DNAH2: variants seen among roughly 807,000 people sequenced by gnomAD.
DNAH2 encodes axonemal beta dynein heavy chain 2.
Under a neutral mutation model 523.5 loss-of-function variants are expected in DNAH2, and 323 were observed. The observed-to-expected ratio is 0.62, with a 90% confidence interval of 0.56 to 0.68. The LOEUF is 0.68. DNAH2 is among the 30% of genes least tolerant of loss of function. The pLI is 0.00. For missense variants in DNAH2, 4,907 were observed against 5,701.5 expected, an observed-to-expected ratio of 0.86 and a Z score of 4.49; for synonymous variants, 2,093 against 2,177.4, an observed-to-expected ratio of 0.96 and a Z score of 1.08.
intron 64 of DNAH2, 86 bp from the exon 65 acceptor site, chr17:7,817,204 C>A: frequency 1.3e-6 from 2 of 1,510,652 alleles, no homozygotes; most frequent in South Asian, 2.7e-5. Context: ...CTGACAGTGT[C>A]CAGAAGAGGG....
chr17:7,772,436 A>C (rs1218818006), intron 28 of DNAH2, among the ~76,000 whole-genome samples: 1 of 152,232 alleles, frequency 6.6e-6, no homozygotes, highest in East Asian at 1.9e-4. Context: ...AAAGCCAAAA[A>C]AACAATGATC....
At position 7,797,168 on chromosome 17, in the gene DNAH2, C is replaced by T; in HGVS notation, c.7864-8C>T. On this transcript the variant is annotated splice_region_variant and splice_polypyrimidine_tract_variant and intron_variant, in intron 50 of 85. Transcript: ENST00000572933. ...CTCCCTGGTCCCAACAGTCAGTCCTCTTCCCAGGTGTTCCAGGGCATGCTT... is the reference window on the plus strand; with the variant it reads ...CTCCCTGGTCCCAACAGTCAGTCCTTTTCCCAGGTGTTCCAGGGCATGCTT... The T allele has an allele frequency of 6.2e-7, 1 of 1,611,566 alleles. No individual in the cohort carries two copies. Among genetic ancestry groups the T allele is most frequent in the South Asian group, 1.1e-5 (1 of 90,992 alleles).
At chr17:7,721,337 C>A (rs912127811) in intron 2 of DNAH2, among the ~76,000 whole-genome samples, 1 of 152,086 alleles carries the variant, frequency 6.6e-6, no homozygotes, top group Non-Finnish European at 1.5e-5. Flanking sequence ...CCACACCCGG[C>A]TAATTTTTGT....
intron 15 of DNAH2, 146 bp downstream of exon 15, chr17:7,759,270 A>C: frequency 7.0e-7 from 1 of 1,434,062 alleles, no homozygotes; most frequent in South Asian, 1.4e-5. Flanking sequence ...GACTCAGCCA[A>C]CCTTCAGTCC....
At chr17:7,806,838 G>GT (rs1181393650) in intron 61 of DNAH2, among the ~76,000 whole-genome samples, 4 of 151,986 alleles carry the variant, frequency 2.6e-5, no homozygotes, top group East Asian at 1.9e-4. Flanking sequence ...GCCAGTCTCG[G>GT]TTTGGTGATC....
chr17:7,758,678 G>T (rs111628899), intron 14 of DNAH2, 27 bp downstream of exon 14: 15 of 1,599,744 alleles, frequency 9.4e-6, no homozygotes, highest in African/African-American at 5.4e-5. Context: ...AGACCCTAAA[G>T]GTCTGCAAGG....
At chr17:7,819,712 G>T (rs2077800288) in intron 72 of DNAH2, among the ~76,000 whole-genome samples, 1 of 152,162 alleles carries the variant, frequency 6.6e-6, no homozygotes, top group Admixed American at 6.5e-5. Context: ...GTACCGGTTG[G>T]GATTCTGCAG....
At chr17:7,818,507 A>G (rs1188839248) in intron 69 of DNAH2, 47 bp downstream of exon 69, 2 of 1,608,058 alleles carry the variant, frequency 1.2e-6, no homozygotes, top group South Asian at 2.2e-5. Flanking sequence ...AAGCAGGAAG[A>G]GTTTGGAAGG....
At position 7,828,062 on chromosome 17, in the gene DNAH2, G is replaced by A. The variant is rs1469555619; in HGVS notation, c.11854-2238G>A. Among the ~76,000 whole-genome samples the A allele has an allele frequency of 6.6e-6, 1 of 151,912 alleles. No individual in the cohort carries two copies. Among genetic ancestry groups the A allele is most frequent in the Non-Finnish European group, 1.5e-5 (1 of 68,014 alleles). ...CAATCTTTCCACCTGCACCTCACAGGTGTGTGCCACCACTCTGGCTAATTT... is the reference window on the plus strand; with the variant it reads ...CAATCTTTCCACCTGCACCTCACAGATGTGTGCCACCACTCTGGCTAATTT... On this transcript the variant is annotated intron_variant, in intron 77 of 85. Coordinates refer to ENST00000572933, the MANE Select transcript of DNAH2 (RefSeq NM_020877.5). The surrounding 1 kb of genome is among the most constrained non-coding windows in gnomAD (Gnocchi z 4.1).
intron 44 of DNAH2, among the ~76,000 whole-genome samples, chr17:7,789,178 CAAAAACA>C (rs1406979012): frequency 6.6e-6 from 1 of 151,982 alleles, no homozygotes; most frequent in Admixed American, 6.6e-5. Flanking sequence ...AAAACAAAAA[CAAAAACA>C]AAAAACCGCA....
chr17:7,776,515 G>A (rs2076457213), intron 31 of DNAH2, among the ~76,000 whole-genome samples: 1 of 152,074 alleles, frequency 6.6e-6, no homozygotes, highest in Non-Finnish European at 1.5e-5. Flanking sequence ...ACGAGAAGAT[G>A]GAGTTAAAAG....
intron 63 of DNAH2, among the ~76,000 whole-genome samples, chr17:7,810,102 C>T (rs1476568012): frequency 4.2e-5 from 6 of 144,462 alleles, no homozygotes; most frequent in South Asian, 2.2e-4. Context: ...CTCACTCTGT[C>T]GCCCAGACTG....
At chr17:7,719,058 A>C (rs768263032) in intron 1 of DNAH2, among the ~76,000 whole-genome samples, 1 of 151,138 alleles carries the variant, frequency 6.6e-6, no homozygotes, top group Non-Finnish European at 1.5e-5. Flanking sequence ...TTTCCTGATT[A>C]TCTTATGTTC....
chr17:7,767,839 C>G (rs376100576), intron 22 of DNAH2, 61 bp from the exon 23 acceptor site: 2 of 1,605,156 alleles, frequency 1.2e-6, no homozygotes, highest in Non-Finnish European at 8.5e-7. Flanking sequence ...AGGGCCTGGG[C>G]GTCCGTCAGG....
chr17:7,719,917 G>C lies in DNAH2; in HGVS notation c.166+17G>C, dbSNP rs1206252868. On this transcript the variant is annotated intron_variant, in intron 2 of 85. Transcript: ENST00000572933. ...AGGAGCCTGGTGGGTACTTGCTGGG[G>C]CAGAGGATGCTTAGCAATGGAGGGT... 3 of 1,498,066 alleles carry C rather than the reference G, an allele frequency of 2.0e-6. No individual in the cohort carries two copies. 92.8% of individuals were successfully genotyped at this position (1,498,066 alleles called of 1,614,324 possible). A position where few individuals can be genotyped will look rare whatever the true frequency, so the allele number is the denominator to read the frequency against.
chr17:7,761,142 A>G (rs959572128), intron 18 of DNAH2, among the ~76,000 whole-genome samples: 14 of 152,216 alleles, frequency 9.2e-5, no homozygotes, highest in African/African-American at 3.4e-4. Context: ...GGTGAAAAGC[A>G]GTTGTCTAGG....
At chr17:7,777,391 C>T (rs2076484704) in intron 32 of DNAH2, 55 bp from the exon 33 acceptor site, 16 of 1,597,674 alleles carry the variant, frequency 1.0e-5, no homozygotes, top group African/African-American at 1.3e-5. Flanking sequence ...AAGGGTTGAT[C>T]AGGCTTTGGC....
intron 63 of DNAH2, among the ~76,000 whole-genome samples, chr17:7,808,509 A>G (rs929206198): frequency 4.6e-5 from 7 of 152,166 alleles, no homozygotes; most frequent in African/African-American, 1.7e-4. Flanking sequence ...AGGTGATACT[A>G]CTCTGTCCCC....
Position 7,798,422 on chromosome 17 carries a change from G to A in DNAH2, c.8398+98G>A. ...AGATGGCAGCCAGATGGGCAGACGT[G>A]TCTGGCCCGTGTTGGGTGTAGGATG... On this transcript the variant is annotated intron_variant, in intron 54 of 85. Coordinates refer to ENST00000572933, the MANE Select transcript of DNAH2 (RefSeq NM_020877.5). This position sits in a 1 kb window ranked among gnomAD's most constrained non-coding sequence, Gnocchi z 5.5. The A allele has an allele frequency of 2.6e-6, 4 of 1,532,062 alleles. No homozygotes were observed. Among genetic ancestry groups the A allele is most frequent in the Middle Eastern group, 1.7e-4 (1 of 5,824 alleles). The allele number at this position is 1,532,062 out of a possible 1,614,324, so 94.9% of individuals were successfully genotyped here. A position where few individuals can be genotyped will look rare whatever the true frequency, so the allele number is the denominator to read the frequency against.
Sources: allele counts gnomAD v4.1 joint callset (sites outside exome capture counted in the v4.1 genomes callset), GRCh38; gene constraint gnomAD v4.1.1; non-coding constraint Gnocchi (gnomAD v3.1); transcripts MANE v1.5; gene names NCBI Gene and HGNC (gene_info 2026-07-23, HGNC 2026-07-21).